SNX9: variants seen among roughly 807,000 people sequenced by gnomAD.
SNX9 encodes sorting nexin 9.
SNX9 carries 44 observed loss-of-function variants against 89.4 expected under a neutral mutation model. The observed-to-expected ratio is 0.49, with a 90% confidence interval of 0.39 to 0.63. SNX9 has a LOEUF of 0.63. Ranked by LOEUF, SNX9 falls within the 30% of genes least tolerant of loss-of-function variation. The pLI, the probability that SNX9 is intolerant of heterozygous loss-of-function variation, is 0.00. For missense variants in SNX9, 578 were observed against 736.1 expected, an observed-to-expected ratio of 0.79 and a Z score of 2.49; for synonymous variants, 236 against 247.8, an observed-to-expected ratio of 0.95 and a Z score of 0.45.
intron 1 of SNX9, among the ~76,000 whole-genome samples, chr6:157,866,966 G>A (rs561704793): frequency 6.6e-6 from 1 of 152,074 alleles, no homozygotes; most frequent in East Asian, 1.9e-4. Context: ...GTTTTTTTAA[G>A]AGACTGCAGG....
Position 157,825,061 on chromosome 6 carries a change from A to G in SNX9, c.12+1615A>G, listed in dbSNP as rs538174805. 5.3e-5 allele frequency among the ~76,000 whole-genome samples: 8 copies of G among 152,274 alleles called. No individual in the cohort carries two copies. The South Asian group carries it at 1.7e-3, about 32-fold the overall frequency. The stretch of plus-strand genomic sequence containing the variant: ...TCGGGAGCTCGAGACAAGCCTGGCC[A>G]ATATGGTGAAACCCTGTCTCTACTA... On this transcript the variant is annotated intron_variant, in intron 1 of 17. Transcript: ENST00000392185.
In SNX9 at chr6:157,940,985, G is replaced by A. The variant is rs577892499; in HGVS notation, c.1740+11G>A. ...CAATTTTACGAAACGGTGAGTGGGC[G>A]TCCACGTGCCTTTCGCATGTGCTTG... is the stretch of plus-strand genomic sequence containing the variant. On this transcript the variant is annotated intron_variant, in intron 17 of 17. Coordinates refer to ENST00000392185, the MANE Select transcript of SNX9 (RefSeq NM_016224.5). 40 of 1,612,320 alleles carry A rather than the reference G, an allele frequency of 2.5e-5. No individual in the cohort carries two copies. In the Middle Eastern group the frequency reaches 4.9e-4, roughly 20 times the overall value.
intron 1 of SNX9, among the ~76,000 whole-genome samples, chr6:157,852,154 C>T (rs1279821607): frequency 6.6e-6 from 1 of 152,098 alleles, no homozygotes; most frequent in Non-Finnish European, 1.5e-5. Context: ...ATGGTAATTC[C>T]GTGTTTAACT....
chr6:157,826,944 A>AATATATTATAGTTTATATAATATATAC (rs1781371859), intron 1 of SNX9, among the ~76,000 whole-genome samples: 3 of 58,246 alleles, frequency 5.2e-5, no homozygotes, highest in African/African-American at 1.4e-4. Flanking sequence ...TAATATATAA[A>AATATATTATAGTTTATATAATATATAC]ATATATTATA....
chr6:157,827,589 T>C (rs1031703248), intron 1 of SNX9, among the ~76,000 whole-genome samples: 1 of 139,200 alleles, frequency 7.2e-6, no homozygotes, highest in Non-Finnish European at 1.5e-5. Context: ...TATATTATAG[T>C]TTATATATAT....
At chr6:157,902,534 G>A (rs770267840) in intron 6 of SNX9, among the ~76,000 whole-genome samples, 18 of 152,226 alleles carry the variant, frequency 1.2e-4, no homozygotes, top group Admixed American at 2.6e-4. Context: ...GAGACGCATC[G>A]AGTGTTCCAG....
Position 157,889,573 on chromosome 6 carries a change from A to G in SNX9, c.301-7254A>G, listed in dbSNP as rs1299549112. ...GAAAATATTTGTGCTGAAAGTCCCA[A>G]GAATTAGGAGTTGCTGTTGTTGACC... On this transcript the variant is annotated intron_variant, in intron 4 of 17. Transcript: ENST00000392185. 1.9e-4 allele frequency among the ~76,000 whole-genome samples: 29 copies of G among 152,228 alleles called. 1 individual carries two copies. The highest frequency in any genetic ancestry group is 1.9e-3 in the Admixed American group (29 of 15,276).
At chr6:157,833,851 G>A (rs938999666) in intron 1 of SNX9, among the ~76,000 whole-genome samples, 5 of 152,240 alleles carry the variant, frequency 3.3e-5, no homozygotes, top group South Asian at 2.1e-4. Flanking sequence ...CAGTATTGCC[G>A]AACTGAACTG....
At chr6:157,887,347 A>G (rs1316249701) in intron 4 of SNX9, among the ~76,000 whole-genome samples, 2 of 152,002 alleles carry the variant, frequency 1.3e-5, no homozygotes, top group Non-Finnish European at 2.9e-5. Context: ...TGCACTCTTG[A>G]TTCACTCTTG....
chr6:157,862,017 C>T (rs1171338867), intron 1 of SNX9, among the ~76,000 whole-genome samples: 4 of 152,074 alleles, frequency 2.6e-5, no homozygotes, highest in Non-Finnish European at 5.9e-5. Context: ...TGATTCATGT[C>T]CTGAGTGGGA....
At chr6:157,940,306 A>G (rs1784011649) in intron 16 of SNX9, among the ~76,000 whole-genome samples, 1 of 152,242 alleles carries the variant, frequency 6.6e-6, no homozygotes, top group Non-Finnish European at 1.5e-5. Flanking sequence ...ATTCTGTTAG[A>G]GTAATAGGCT....
chr6:157,889,029 G>A (rs992357321), intron 4 of SNX9, among the ~76,000 whole-genome samples: 3 of 152,256 alleles, frequency 2.0e-5, no homozygotes, highest in Non-Finnish European at 4.4e-5. Context: ...GGAAAGAAAC[G>A]AAGAGGCATC....
At chr6:157,871,136 T>C (rs1782401226) in intron 2 of SNX9, among the ~76,000 whole-genome samples, 1 of 152,140 alleles carries the variant, frequency 6.6e-6, no homozygotes, top group African/African-American at 2.4e-5. Context: ...CCCAGCACTT[T>C]TGGAGGCCGA....
At chr6:157,892,146 C>T (rs974735328) in intron 4 of SNX9, among the ~76,000 whole-genome samples, 3 of 152,044 alleles carry the variant, frequency 2.0e-5, no homozygotes, top group Admixed American at 6.5e-5. Context: ...GACAGAGAGG[C>T]GCCACAGGAT....
intron 4 of SNX9, 111 bp downstream of exon 4, chr6:157,875,287 A>G (rs2115142575): frequency 7.2e-7 from 1 of 1,396,260 alleles, no homozygotes; most frequent in South Asian, 1.7e-5. Flanking sequence ...AGCAAAAACA[A>G]AGTCGCTTTT....
At chr6:157,927,369 T>C (rs910883317) in intron 11 of SNX9, among the ~76,000 whole-genome samples, 155 bp downstream of exon 11, 1 of 152,232 alleles carries the variant, frequency 6.6e-6, no homozygotes, top group African/African-American at 2.4e-5. Context: ...GGAAACATCA[T>C]TTGTACATAG....
intron 1 of SNX9, among the ~76,000 whole-genome samples, chr6:157,824,033 A>G (rs187954465): frequency 6.6e-6 from 1 of 152,170 alleles, no homozygotes; most frequent in African/African-American, 2.4e-5. Context: ...TTGTTTTGCT[A>G]CCTTTTCATT....
chr6:157,825,782 C>G (rs1781331407), intron 1 of SNX9, among the ~76,000 whole-genome samples: 1 of 152,092 alleles, frequency 6.6e-6, no homozygotes, highest in African/African-American at 2.4e-5. Flanking sequence ...TTTAATTGTT[C>G]CCAGAGAGTC....
chr6:157,935,106 T>C (rs1176347221), intron 13 of SNX9, among the ~76,000 whole-genome samples: 1 of 152,210 alleles, frequency 6.6e-6, no homozygotes, highest in Admixed American at 6.5e-5. Context: ...GTGGATTAAC[T>C]CATTATTTTG....
Sources: gnomAD v4.1 joint callset for allele counts (sites outside exome capture counted in the v4.1 genomes callset) on GRCh38, gnomAD v4.1.1 for gene constraint, MANE v1.5 for transcripts, NCBI Gene and HGNC (gene_info 2026-07-23, HGNC 2026-07-21) for gene names.